L3MBTL4: variants seen among roughly 807,000 people sequenced by gnomAD.
L3MBTL4 encodes lethal(3)malignant brain tumor-like protein 4.
L3MBTL4 carries 70 observed loss-of-function variants against 84.5 expected under a neutral mutation model. The ratio of observed to expected loss-of-function variants is 0.83; its 90% CI spans 0.68 to 1.01. The LOEUF is 1.01. Ranked by LOEUF, L3MBTL4 falls within the 50% of genes least tolerant of loss-of-function variation. The probability of loss-of-function intolerance (pLI) is 0.00; values close to 1 mark genes in which losing one functional copy is unlikely to be tolerated. For missense variants in L3MBTL4, 715 were observed against 754.8 expected (o/e 0.95, Z 0.62); for synonymous variants, 274 against 259.8 (o/e 1.05, Z -0.52).
chr18:6,081,028 T>C, intron 15 of L3MBTL4, 77 bp from the exon 16 acceptor site: 1 of 1,082,718 alleles, frequency 9.2e-7, no homozygotes, highest in East Asian at 2.6e-5. Context: ...AGCACAAATT[T>C]AAATAGAAAC....
chr18:6,158,971 G>T (rs528229725), intron 13 of L3MBTL4, among the ~76,000 whole-genome samples: 1 of 152,280 alleles, frequency 6.6e-6, no homozygotes, highest in African/African-American at 2.4e-5. Flanking sequence ...GACCCATCAG[G>T]GATGTCTCTT....
intron 16 of L3MBTL4, among the ~76,000 whole-genome samples, chr18:5,999,582 C>T (rs2054127137): frequency 6.6e-6 from 1 of 152,184 alleles, no homozygotes; most frequent in Non-Finnish European, 1.5e-5. Flanking sequence ...GTGAGCATTT[C>T]TCCTCATCCT....
intron 16 of L3MBTL4, among the ~76,000 whole-genome samples, chr18:5,992,027 CATCT>C (rs2053723283): frequency 6.9e-6 from 1 of 143,926 alleles, no homozygotes; most frequent in South Asian, 2.2e-4. Flanking sequence ...TCCATCCATC[CATCT>C]ATCCAACATT....
In L3MBTL4 at chr18:6,362,315, GAAAGA is replaced by G. The variant is rs1214645351; in HGVS notation, c.-90-50264_-90-50260del. Among the ~76,000 whole-genome samples, 24 of 151,296 alleles carry G rather than the reference GAAAGA, an allele frequency of 1.6e-4. No homozygotes were observed. The East Asian group carries it at 3.5e-3, about 22-fold the overall frequency. On this transcript the variant is annotated intron_variant, in intron 1 of 18. Transcript: ENST00000317931. The stretch of plus-strand genomic sequence containing the variant: ...GAAAGAAAGAGGAAGAGGGAGGAAA[GAAAGA>G]AAAGAAAAGAAAGAAGAAAAGAAGA...
intron 16 of L3MBTL4, among the ~76,000 whole-genome samples, chr18:6,037,175 C>A (rs752670918): frequency 3.3e-5 from 5 of 151,140 alleles, no homozygotes; most frequent in Non-Finnish European, 7.4e-5. Context: ...TTTTTGCCCA[C>A]CCTTGCTCCC....
chr18:6,350,374 T>C (rs945019214), intron 1 of L3MBTL4, among the ~76,000 whole-genome samples: 2 of 152,086 alleles, frequency 1.3e-5, no homozygotes, highest in Non-Finnish European at 2.9e-5. Flanking sequence ...ATATCCAGAA[T>C]ATATAAAGAA....
chr18:6,091,781 T>C (rs1312843729), intron 15 of L3MBTL4, among the ~76,000 whole-genome samples: 2 of 152,168 alleles, frequency 1.3e-5, no homozygotes, highest in Non-Finnish European at 2.9e-5. Context: ...ACATTGAGGA[T>C]GAATGTCTAA....
chr18:6,274,122 G>T (rs1285237316), intron 4 of L3MBTL4, among the ~76,000 whole-genome samples: 3 of 152,196 alleles, frequency 2.0e-5, no homozygotes, highest in African/African-American at 4.8e-5. Flanking sequence ...GCTCATCAAA[G>T]GTTTCCCAAA....
At chr18:6,224,614 C>G (rs1472178583) in intron 10 of L3MBTL4, among the ~76,000 whole-genome samples, 7 of 152,196 alleles carry the variant, frequency 4.6e-5, no homozygotes, top group Admixed American at 1.3e-4. Flanking sequence ...TGGCCAGGAT[C>G]TCAGAGAGCT....
At chr18:6,214,633 G>A (rs1018535993) in intron 11 of L3MBTL4, among the ~76,000 whole-genome samples, 5 of 152,112 alleles carry the variant, frequency 3.3e-5, no homozygotes, top group African/African-American at 1.2e-4. Context: ...CATTTTCTTT[G>A]TAAGATGCAT....
intron 16 of L3MBTL4, among the ~76,000 whole-genome samples, chr18:6,035,464 T>C (rs1464519019): frequency 1.3e-5 from 2 of 151,038 alleles, no homozygotes; most frequent in Non-Finnish European, 3.0e-5. Flanking sequence ...GTTGTAGATA[T>C]GCGGCGTTAT....
chr18:6,263,108 A>T (rs1212827861), intron 5 of L3MBTL4, among the ~76,000 whole-genome samples: 1 of 152,062 alleles, frequency 6.6e-6, no homozygotes, highest in Non-Finnish European at 1.5e-5. Context: ...CCCTGTCTCT[A>T]CTAATACAAA....
chr18:6,054,191 T>C (rs932456116), intron 16 of L3MBTL4, among the ~76,000 whole-genome samples: 2 of 152,136 alleles, frequency 1.3e-5, no homozygotes, highest in Non-Finnish European at 2.9e-5. Context: ...CTGAGACACC[T>C]GACTCAGCCT....
At chr18:6,003,753 G>A (rs925509782) in intron 16 of L3MBTL4, among the ~76,000 whole-genome samples, 2 of 151,984 alleles carry the variant, frequency 1.3e-5, no homozygotes, top group African/African-American at 4.8e-5. Context: ...AGAAAAACTG[G>A]AGATTAAACA....
At chr18:6,099,383 T>A (rs748399507) in intron 14 of L3MBTL4, among the ~76,000 whole-genome samples, 3 of 151,320 alleles carry the variant, frequency 2.0e-5, no homozygotes, top group African/African-American at 7.3e-5. Flanking sequence ...TTCATCTGAC[T>A]GAAATTGTTG....
At chr18:6,265,017 T>C (rs417482) in intron 4 of L3MBTL4, among the ~76,000 whole-genome samples, 5,249 of 152,280 alleles carry the variant, frequency 0.034, 281 homozygotes, top group African/African-American at 0.12. Flanking sequence ...TGTAGACAAC[T>C]GTCTAAAGGC....
intron 12 of L3MBTL4, among the ~76,000 whole-genome samples, chr18:6,192,606 T>A (rs1166911273): frequency 6.6e-6 from 1 of 152,086 alleles, no homozygotes; most frequent in Non-Finnish European, 1.5e-5. Flanking sequence ...TGGGAAATTT[T>A]AGGAGAGGGA....
chr18:6,263,851 A>T, intron 5 of L3MBTL4, 96 bp downstream of exon 5: 1 of 855,324 alleles, frequency 1.2e-6, no homozygotes, highest in Non-Finnish European at 2.0e-6. Flanking sequence ...AAATAATTCA[A>T]ATAAGTTGAT....
intron 12 of L3MBTL4, among the ~76,000 whole-genome samples, chr18:6,185,136 C>T (rs2044660860): frequency 6.6e-6 from 1 of 152,168 alleles, no homozygotes; most frequent in Admixed American, 6.5e-5. Context: ...CAGGTCAAAA[C>T]GTCCAGCAGA....
Sources: gnomAD v4.1 joint callset for allele counts (sites outside exome capture counted in the v4.1 genomes callset) on GRCh38, gnomAD v4.1.1 for gene constraint, MANE v1.5 for transcripts, NCBI Gene and HGNC (gene_info 2026-07-23, HGNC 2026-07-21) for gene names.